The following HPSE2 variants were observed in gnomAD, a reference collection of about 807,000 sequenced individuals.
The protein encoded by HPSE2 is inactive heparanase-2.
Under a neutral mutation model 60.5 loss-of-function variants are expected in HPSE2, and 38 were observed. The observed-to-expected ratio is 0.63, with a 90% CI of 0.48 to 0.82. The LOEUF (loss-of-function observed/expected upper bound fraction) is 0.82. Ranked by LOEUF, HPSE2 falls within the 40% of genes least tolerant of loss-of-function variation. HPSE2 has a pLI of 0.00. For synonymous variants in HPSE2, 295 were observed against 293.2 expected (o/e 1.01, Z -0.06); for missense variants, 713 against 740.4 (o/e 0.96, Z 0.43).
intron 3 of HPSE2, among the ~76,000 whole-genome samples, chr10:98,995,102 C>T (rs1162544876): frequency 6.6e-6 from 1 of 152,218 alleles, no homozygotes; most frequent in African/African-American, 2.4e-5. Flanking sequence ...TTCGAACCCT[C>T]TCCTTACTTG....
At chr10:98,931,062 GT>G (rs1954628201) in intron 3 of HPSE2, among the ~76,000 whole-genome samples, 1 of 143,962 alleles carries the variant, frequency 6.9e-6, no homozygotes. Context: ...GTCCTGAATG[GT>G]ATTGCCTAGA....
At chr10:99,080,993 A>G (rs1054237141) in intron 3 of HPSE2, among the ~76,000 whole-genome samples, 1 of 152,160 alleles carries the variant, frequency 6.6e-6, no homozygotes, top group African/African-American at 2.4e-5. Flanking sequence ...ACGGGGTTTC[A>G]CCATGTTGGC....
At chr10:98,777,484 T>C (rs1054529034) in intron 3 of HPSE2, among the ~76,000 whole-genome samples, 2 of 152,206 alleles carry the variant, frequency 1.3e-5, no homozygotes, top group Non-Finnish European at 2.9e-5. Flanking sequence ...TTGAATTCCA[T>C]ACTAGAGTTT....
chr10:98,926,898 G>A (rs1443745899), intron 3 of HPSE2, among the ~76,000 whole-genome samples: 1 of 152,154 alleles, frequency 6.6e-6, no homozygotes, highest in Admixed American at 6.5e-5. Context: ...AGGTTGTTCA[G>A]TCTCTATGTA....
At chr10:98,759,774 A>C (rs1949964200) in intron 3 of HPSE2, among the ~76,000 whole-genome samples, 1 of 152,040 alleles carries the variant, frequency 6.6e-6, no homozygotes, top group South Asian at 2.1e-4. Flanking sequence ...TTGACTATTC[A>C]GGGTCTTTTG....
At chr10:98,729,123 C>A (rs999987059) in intron 4 of HPSE2, among the ~76,000 whole-genome samples, 6 of 151,808 alleles carry the variant, frequency 4.0e-5, no homozygotes, top group African/African-American at 1.5e-4. Context: ...AAAAATGCCA[C>A]GAGATAAATG....
At chr10:99,240,860 T>A (rs1849922022), upstream of HPSE2, among the ~76,000 whole-genome samples, 2 of 152,184 alleles carry the variant, frequency 1.3e-5, no homozygotes, top group Admixed American at 1.3e-4. Flanking sequence ...TCTGTAAGAA[T>A]TATGCCTAGC....
intron 3 of HPSE2, among the ~76,000 whole-genome samples, chr10:98,771,154 A>G (rs1950232309): frequency 2.6e-5 from 4 of 152,180 alleles, no homozygotes; most frequent in African/African-American, 9.7e-5. Flanking sequence ...TTCTCTGGTC[A>G]TTAATAAAAG....
the HPSE2 span, among the ~76,000 whole-genome samples, chr10:99,246,684 T>C: frequency 1.3e-5 from 2 of 150,944 alleles, no homozygotes; most frequent in Non-Finnish European, 3.0e-5. Flanking sequence ...GAGGCAGAGG[T>C]TGCAGTGAGC....
chr10:99,175,485 A>G (rs899904107), intron 2 of HPSE2, among the ~76,000 whole-genome samples: 30 of 152,000 alleles, frequency 2.0e-4, no homozygotes, highest in African/African-American at 7.0e-4. Flanking sequence ...TTCCCCTCAC[A>G]GTGTAAACAA....
intron 6 of HPSE2, among the ~76,000 whole-genome samples, chr10:98,692,768 C>CAAAA (rs34656111): frequency 0.35 from 53,345 of 150,864 alleles, 9,582 homozygotes; most frequent in Admixed American, 0.41. Flanking sequence ...GACTCTGTCT[C>CAAAA]AAACAAACAA....
intron 3 of HPSE2, among the ~76,000 whole-genome samples, chr10:99,117,161 C>G (rs954509287): frequency 6.6e-6 from 1 of 150,454 alleles, no homozygotes; most frequent in African/African-American, 2.4e-5. Flanking sequence ...AAACCAATAC[C>G]CCAATTTAAA....
chr10:98,535,598 T>C (rs542571316), intron 9 of HPSE2, among the ~76,000 whole-genome samples: 2 of 152,202 alleles, frequency 1.3e-5, no homozygotes, highest in African/African-American at 4.8e-5. Context: ...CGTATACTAT[T>C]GATATATATA....
At chr10:99,005,225 C>G (rs764665233) in intron 3 of HPSE2, among the ~76,000 whole-genome samples, 1 of 150,424 alleles carries the variant, frequency 6.6e-6, no homozygotes, top group Non-Finnish European at 1.5e-5. Flanking sequence ...TTTTCTGTTA[C>G]TATTTCTTTC....
At chr10:98,732,417 T>A (rs1949249665) in intron 4 of HPSE2, among the ~76,000 whole-genome samples, 1 of 152,136 alleles carries the variant, frequency 6.6e-6, no homozygotes, top group African/African-American at 2.4e-5. Context: ...GACAATGTAG[T>A]CCTAGCATAA....
chr10:99,250,142 C>CAAA, the HPSE2 span, among the ~76,000 whole-genome samples: 22 of 137,372 alleles, frequency 1.6e-4, no homozygotes, highest in African/African-American at 5.2e-4. Context: ...AACTCCATCT[C>CAAA]AAAAAAAAAA....
chr10:98,760,620 A>G (rs552345239), intron 3 of HPSE2, among the ~76,000 whole-genome samples: 29 of 152,232 alleles, frequency 1.9e-4, no homozygotes, highest in African/African-American at 7.0e-4. Context: ...GTGTATACTG[A>G]ACATCTTGCA....
chr10:98,881,745 C>T (rs1953029737), intron 3 of HPSE2, among the ~76,000 whole-genome samples: 1 of 152,064 alleles, frequency 6.6e-6, no homozygotes, highest in Admixed American at 6.6e-5. Flanking sequence ...CCCGAAATCA[C>T]TGTGATGATG....
At chr10:99,166,051 A>C (rs1321409538) in intron 2 of HPSE2, among the ~76,000 whole-genome samples, 2 of 152,222 alleles carry the variant, frequency 1.3e-5, no homozygotes, top group African/African-American at 4.8e-5. Context: ...ATAACAATGG[A>C]ATTATACAAT....
Sources: allele counts gnomAD v4.1 joint callset (sites outside exome capture counted in the v4.1 genomes callset), GRCh38; gene constraint gnomAD v4.1.1; transcripts MANE v1.5; gene names NCBI Gene and HGNC (gene_info 2026-07-23, HGNC 2026-07-21).